The following NOSTRIN variants were observed in gnomAD, a reference collection of about 807,000 sequenced individuals.
NOSTRIN encodes the protein BM247 homolog.
In NOSTRIN, 63 loss-of-function variants were observed where a neutral mutation model predicts 59.0. That is an observed-to-expected ratio of 1.07 (90% CI 0.87 to 1.32). The LOEUF is 1.32. Among genes scored for constraint, NOSTRIN ranks in the 40% most tolerant of loss-of-function variants. The pLI, the probability that NOSTRIN is intolerant of heterozygous loss-of-function variation, is 0.00. For synonymous variants in NOSTRIN, 200 were observed against 165.4 expected (o/e 1.21, Z -1.61); for missense variants, 512 against 473.1 (o/e 1.08, Z -0.76).
intron 2 of NOSTRIN, 200 bp downstream of exon 2, chr2:168,811,852 G>T (rs1686153701): frequency 2.4e-6 from 1 of 425,140 alleles, no homozygotes; most frequent in African/African-American, 2.1e-5. Flanking sequence ...ACAGCAGGAA[G>T]TAATTCAGCT....
chr2:168,821,903 C>T (rs983010396), intron 2 of NOSTRIN, among the ~76,000 whole-genome samples: 18 of 152,218 alleles, frequency 1.2e-4, no homozygotes, highest in African/African-American at 4.3e-4. Flanking sequence ...CAGCAGCAAT[C>T]GTTCCAGACA....
At position 168,860,808 on chromosome 2, in the gene NOSTRIN, G is replaced by T. The variant is rs753229873; in HGVS notation, c.1193G>T (p.Ser398Ile). 1.9e-6 allele frequency: 3 copies of T among 1,607,284 alleles called. No homozygotes were observed. Among genetic ancestry groups the T allele is most frequent in the South Asian group, 2.2e-5 (2 of 90,916 alleles). Residue 398 changes from serine (S) to isoleucine (I), a missense_variant, in exon 14 of 16, where the codon AGC becomes ATC. Ser to Ile is a moderately radical substitution (Grantham distance 142, BLOSUM62 -2). Transcript: ENST00000317647. ...FRWREKEHTH[S>I]YVKISRPFLM... is the part of the protein sequence containing the mutation. Reference sequence around the variant, plus strand: ...TCATTTGAACAGGAGCATACTCATAGCTATGTGAAAATATCTCGGCCTTTT... The same window carrying T: ...TCATTTGAACAGGAGCATACTCATATCTATGTGAAAATATCTCGGCCTTTT...
At position 168,831,703 on chromosome 2, in the gene NOSTRIN, A is replaced by G. The variant is rs547211864; in HGVS notation, c.405+169A>G. 2.6e-4 allele frequency among the ~76,000 whole-genome samples: 40 copies of G among 152,184 alleles called. 1 individual carries two copies. Among genetic ancestry groups the G allele is most frequent in the Non-Finnish European group, 5.6e-4 (38 of 68,026 alleles). The stretch of plus-strand genomic sequence containing the variant: ...CACAGATATATTTTTCACCAAACCA[A>G]TGGAAGTGCATGGCTCTAACTATGA... On this transcript the variant is annotated intron_variant, in intron 6 of 15. Coordinates refer to ENST00000317647, the MANE Select transcript of NOSTRIN (RefSeq NM_001039724.4).
At chr2:168,832,667 T>C (rs1687429641) in intron 6 of NOSTRIN, among the ~76,000 whole-genome samples, 1 of 152,240 alleles carries the variant, frequency 6.6e-6, no homozygotes, top group African/African-American at 2.4e-5. Context: ...GTTACAATGG[T>C]AAAAGGATGC....
chr2:168,846,501 T>C (rs1163298820), intron 8 of NOSTRIN, among the ~76,000 whole-genome samples: 2 of 152,186 alleles, frequency 1.3e-5, no homozygotes, highest in African/African-American at 4.8e-5. Context: ...AAGCCTCAAA[T>C]GTGACTATAA....
upstream of NOSTRIN, among the ~76,000 whole-genome samples, chr2:168,797,551 C>G (rs148849521): frequency 3.3e-5 from 5 of 152,284 alleles, no homozygotes; most frequent in East Asian, 7.7e-4. Context: ...CAACATAAAG[C>G]TATAAGGACT....
At chr2:168,842,872 T>C (rs1688181797) in intron 7 of NOSTRIN, 120 bp from the exon 8 acceptor site, 3 of 732,970 alleles carry the variant, frequency 4.1e-6, no homozygotes, top group Non-Finnish European at 7.1e-6. Flanking sequence ...AGTCACTGTT[T>C]ATGACTCTAC....
intron 2 of NOSTRIN, among the ~76,000 whole-genome samples, chr2:168,789,184 G>A (rs1011822856): frequency 1.6e-4 from 24 of 152,324 alleles, no homozygotes; most frequent in South Asian, 1.0e-3. Context: ...ATGGGAAAAT[G>A]TTATGAGGAC....
intron 6 of NOSTRIN, among the ~76,000 whole-genome samples, chr2:168,833,369 G>A (rs1243421336): frequency 6.6e-6 from 1 of 152,204 alleles, no homozygotes; most frequent in Non-Finnish European, 1.5e-5. Flanking sequence ...CGTTTAGAGG[G>A]AGGCAGAAGG....
chr2:168,859,308 C>A lies in NOSTRIN; in HGVS notation c.1054-204C>A, dbSNP rs1046150804. ...CCCCCAGAGTACAGAATGAGACACA[C>A]TCAACAACTAAAACCTCCCTCTAAA... On this transcript the variant is annotated intron_variant, in intron 12 of 15. Coordinates refer to ENST00000317647, the MANE Select transcript of NOSTRIN (RefSeq NM_001039724.4). 4 of 612,734 alleles carry A rather than the reference C, an allele frequency of 6.5e-6. No individual in the cohort carries two copies. The African/African-American group carries it at 7.5e-5, about 12-fold the overall frequency. The allele number at this position is 612,734 out of a possible 1,614,324, so 38.0% of individuals were successfully genotyped here. A position where few individuals can be genotyped will look rare whatever the true frequency, so the allele number is the denominator to read the frequency against.
chr2:168,803,188 G>GC (rs1018567065), intron 1 of NOSTRIN, among the ~76,000 whole-genome samples: 24 of 152,280 alleles, frequency 1.6e-4, no homozygotes, highest in African/African-American at 4.6e-4. Flanking sequence ...TGGTTTAGCA[G>GC]CATGTTTGTT....
intron 7 of NOSTRIN, among the ~76,000 whole-genome samples, chr2:168,834,946 T>C (rs1687631269): frequency 6.6e-6 from 1 of 152,256 alleles, no homozygotes; most frequent in African/African-American, 2.4e-5. Context: ...AATAATATTT[T>C]AAATGATTAG....
intron 2 of NOSTRIN, among the ~76,000 whole-genome samples, chr2:168,815,514 A>G (rs964517345): frequency 7.9e-5 from 12 of 152,250 alleles, no homozygotes; most frequent in Admixed American, 1.3e-4. Flanking sequence ...CTGGTTTTCA[A>G]ATGCCAAGAA....
intron 1 of NOSTRIN, among the ~76,000 whole-genome samples, chr2:168,809,970 TAAAAA>T (rs990869422): frequency 6.6e-6 from 1 of 150,634 alleles, no homozygotes; most frequent in African/African-American, 2.4e-5. Context: ...TTGCTACCAT[TAAAAA>T]AAAATCATGT....
rs764537179 is a variant in NOSTRIN at position 168,851,190 on chromosome 2, G to C, written c.729+8G>C. 5.0e-6 allele frequency: 8 copies of C among 1,614,086 alleles called. No homozygotes were observed. The highest frequency in any genetic ancestry group is 3.4e-6 in the Non-Finnish European group (4 of 1,180,036). On this transcript the variant is annotated splice_region_variant and intron_variant, in intron 9 of 15. Coordinates refer to ENST00000317647, the MANE Select transcript of NOSTRIN (RefSeq NM_001039724.4). ...GGCCAAACCCTGACCACAGTGAGTA[G>C]AGATGATCTCTCCATTTCTGGTATG...
rs565676664 is a variant in NOSTRIN, at chr2:168,792,739, G to T, written c.-473+4691G>T. Among the ~76,000 whole-genome samples, 3 of 152,062 alleles carry T rather than the reference G, an allele frequency of 2.0e-5. No homozygotes were observed. The East Asian group carries it at 5.8e-4, about 29-fold the overall frequency. On this transcript the variant is annotated intron_variant, in intron 2 of 20. Transcript: ENST00000458381. The stretch of plus-strand genomic sequence containing the variant: ...AGGTGATCCACCTGCCTCGGCCTCC[G>T]AAAGTGCTGGGATTATAGCCAGCAT...
intron 6 of NOSTRIN, 45 bp downstream of exon 6, chr2:168,831,579 T>A (rs756110490): frequency 2.4e-6 from 2 of 823,614 alleles, no homozygotes; most frequent in Non-Finnish European, 4.3e-6. Flanking sequence ...GTTTTTAGAA[T>A]TGAAGTGTTT....
chr2:168,852,044 C>T (rs1029665186), intron 10 of NOSTRIN, among the ~76,000 whole-genome samples: 1 of 152,124 alleles, frequency 6.6e-6, no homozygotes, highest in Non-Finnish European at 1.5e-5. Context: ...GCCTACTCCC[C>T]GCAAAATGAG....
chr2:168,859,325 C>A (rs1328992369), intron 12 of NOSTRIN, 187 bp from the exon 13 acceptor site: 5 of 765,964 alleles, frequency 6.5e-6, no homozygotes, highest in Non-Finnish European at 9.9e-6. Flanking sequence ...ACTAAAACCT[C>A]CCTCTAAACT....
Sources: allele counts gnomAD v4.1 joint callset (sites outside exome capture counted in the v4.1 genomes callset), GRCh38; gene constraint gnomAD v4.1.1; transcripts MANE v1.5; gene names NCBI Gene and HGNC (gene_info 2026-07-23, HGNC 2026-07-21).